Variants in ATCAY observed in about 807,000 individuals in gnomAD.
ATCAY encodes the protein caytaxin.
In ATCAY, 22 loss-of-function variants were observed where a neutral mutation model predicts 47.7. The ratio of observed to expected loss-of-function variants is 0.46; its 90% CI spans 0.33 to 0.66. The LOEUF is 0.66. Ranked by LOEUF, ATCAY falls within the 30% of genes least tolerant of loss-of-function variation. The pLI is 0.02. For synonymous variants in ATCAY, 216 were observed against 207.6 expected (o/e 1.04, Z -0.35); for missense variants, 452 against 515.0 (o/e 0.88, Z 1.18).
At position 3,907,953 on chromosome 19, in the gene ATCAY, C is replaced by G. The variant is rs752902961; in HGVS notation, c.544+34C>G. 1.1e-5 allele frequency: 17 copies of G among 1,595,958 alleles called. No homozygotes were observed. In the African/African-American group the frequency reaches 2.0e-4, roughly 19 times the overall value. On this transcript the variant is annotated intron_variant, in intron 5 of 12. Coordinates refer to ENST00000450849, the MANE Select transcript of ATCAY (RefSeq NM_033064.5). This position sits in a 1 kb window ranked among gnomAD's most constrained non-coding sequence, Gnocchi z 5.1. ...CGCCCCCCGGTGCCCCCTTGGGGCT[C>G]CAGCCCGGCCCACTGGGCAACAGGG...
In ATCAY at chr19:3,915,594, C is replaced by G. The variant is rs1309100492; in HGVS notation, c.965+1738C>G. On this transcript the variant is annotated intron_variant, in intron 9 of 12. Transcript: ENST00000450849. Reference sequence around the variant, plus strand: ...TGAGATGGAGTCTTGCTCTGTTGCCCAGGCTGGAGTGCAGTGGCACGATCT... The same window carrying G: ...TGAGATGGAGTCTTGCTCTGTTGCCGAGGCTGGAGTGCAGTGGCACGATCT... 3.3e-5 allele frequency among the ~76,000 whole-genome samples: 5 copies of G among 151,384 alleles called. No individual in the cohort carries two copies. The South Asian group carries it at 6.3e-4, about 19-fold the overall frequency.
rs746208351 is a variant in ATCAY at position 3,905,495 on chromosome 19, A to G, written c.198A>G (p.Pro66=). The G allele has an allele frequency of 6.2e-7, 1 of 1,613,956 alleles. No individual in the cohort carries two copies. The part of the protein sequence containing the change: ...AHRKRKTLVA[P]EINISLDQSE... ...GTAAGAGGAAGACGCTGGTGGCCCC[A>G]GAGATCAACATTTCTCTGGATCAGA... is the stretch of plus-strand genomic sequence containing the variant. The change falls in exon 4 of 13, where the codon CCA becomes CCG. Residue 66 remains proline, a synonymous_variant. Coordinates refer to ENST00000450849, the MANE Select transcript of ATCAY (RefSeq NM_033064.5).
Position 3,927,378 on chromosome 19 carries a change from T to C in ATCAY, c.*2786T>C, listed in dbSNP as rs2039076555. 1 of 152,184 alleles carries C rather than the reference T, an allele frequency of 6.6e-6. No individual in the cohort carries two copies. The highest frequency in any genetic ancestry group is 1.5e-5 in the Non-Finnish European group (1 of 68,056). 9.4% of individuals were successfully genotyped at this position (152,184 alleles called of 1,614,324 possible). ...GTTCTAACCCAACAGTGACAAGAAC[T>C]GCTGGGCCTTAACCGTCATGGAAGA... On this transcript the variant is annotated 3_prime_UTR_variant, in exon 13 of 13. Coordinates refer to ENST00000450849, the MANE Select transcript of ATCAY (RefSeq NM_033064.5).
chr19:3,886,841 G>C (rs936121189), intron 2 of ATCAY, among the ~76,000 whole-genome samples: 4 of 150,836 alleles, frequency 2.7e-5, no homozygotes, highest in African/African-American at 9.8e-5. Context: ...ATGCCCCCGA[G>C]TAGCTTGGAT....
At chr19:3,902,724 C>G (rs2060247) in intron 3 of ATCAY, among the ~76,000 whole-genome samples, 179 bp downstream of exon 3, 129,267 of 152,066 alleles carry the variant, frequency 0.85, 55,104 homozygotes, top group African/African-American at 0.91. Context: ...TGATGGCGCT[C>G]TCATGAAGCC....
chr19:3,893,236 T>C (rs11085045), intron 2 of ATCAY, among the ~76,000 whole-genome samples: 96,067 of 148,740 alleles, frequency 0.65, 34,147 homozygotes, highest in Non-Finnish European at 0.8. Flanking sequence ...TGCAGTAGCA[T>C]GATCTCAGCT....
chr19:3,913,798 G>T lies in ATCAY; in HGVS notation c.907G>T (p.Glu303Ter). The T allele has an allele frequency of 6.2e-7, 1 of 1,613,848 alleles. No individual in the cohort carries two copies. The highest frequency in any genetic ancestry group is 8.5e-7 in the Non-Finnish European group (1 of 1,179,860). The change falls in exon 9 of 13, where the codon GAA becomes TAA. Residue 303 changes from glutamate to a stop codon, truncating the protein, a stop_gained. Transcript: ENST00000450849. LOFTEE classifies it high-confidence loss of function. Reference protein sequence around the residue: ...INKIQYVHSLEDLEQLIPMEH... With the variant: ...INKIQYVHSL ...CAAGATCCAGTACGTGCACAGCTTG[G>T]AAGACCTGGAGCAACTCATCCCTAT...
chr19:3,892,109 C>G (rs1289699445), intron 2 of ATCAY, among the ~76,000 whole-genome samples: 1 of 151,996 alleles, frequency 6.6e-6, no homozygotes, highest in Non-Finnish European at 1.5e-5. Flanking sequence ...AGGCTGGTCT[C>G]GAACTACTGA....
At chr19:3,918,726 G>A in intron 10 of ATCAY, 80 bp from the exon 11 acceptor site, 2 of 1,469,316 alleles carry the variant, frequency 1.4e-6, no homozygotes, top group Non-Finnish European at 1.9e-6. Flanking sequence ...GAAAACCAGA[G>A]AGGCCAGTAC....
In ATCAY at chr19:3,910,989, G is replaced by A. The variant is rs149809467; in HGVS notation, c.866+100G>A. On this transcript the variant is annotated intron_variant, in intron 8 of 12. Coordinates refer to ENST00000450849, the MANE Select transcript of ATCAY (RefSeq NM_033064.5). ...TGTGTGCATGTGTGCACGTGTGTGC[G>A]TGTGTGCATCTGTGTGTGTGTGCAT... 1,005 of 1,314,300 alleles carry A rather than the reference G, an allele frequency of 7.6e-4. 5 individuals carry two copies. The African/African-American group carries it at 7.8e-3, about 10-fold the overall frequency. The allele number at this position is 1,314,300 out of a possible 1,614,324, so 81.4% of individuals were successfully genotyped here.
intron 1 of ATCAY, among the ~76,000 whole-genome samples, chr19:3,884,663 A>G (rs2038632488): frequency 6.6e-6 from 1 of 152,084 alleles, no homozygotes; most frequent in Non-Finnish European, 1.5e-5. Context: ...GAAGTTTCCA[A>G]GGGAGCAGGA....
intron 2 of ATCAY, among the ~76,000 whole-genome samples, chr19:3,895,854 T>C (rs190747022): frequency 1.3e-5 from 2 of 151,840 alleles, no homozygotes; most frequent in Non-Finnish European, 2.9e-5. Flanking sequence ...TAGCTGGGAT[T>C]ACAAGTGCAT....
intron 2 of ATCAY, among the ~76,000 whole-genome samples, chr19:3,891,164 G>T (rs556175968): frequency 6.6e-6 from 1 of 151,276 alleles, no homozygotes; most frequent in East Asian, 1.9e-4. Context: ...CAATTCTCTT[G>T]CCTCAGCCTC....
intron 6 of ATCAY, among the ~76,000 whole-genome samples, chr19:3,909,260 A>G (rs528233538): frequency 1.1e-3 from 171 of 149,736 alleles, no homozygotes; most frequent in African/African-American, 3.7e-3. Flanking sequence ...GACTCAATAA[A>G]AGAGTAACTG....
chr19:3,916,549 A>C (rs1398218527), intron 9 of ATCAY, among the ~76,000 whole-genome samples: 2 of 152,174 alleles, frequency 1.3e-5, no homozygotes, highest in Non-Finnish European at 2.9e-5. Flanking sequence ...GCTGGAGTGC[A>C]GTGGCGCTAT....
chr19:3,903,898 G>T (rs1599286407), intron 3 of ATCAY, among the ~76,000 whole-genome samples: 1 of 151,304 alleles, frequency 6.6e-6, no homozygotes, highest in Non-Finnish European at 1.5e-5. Flanking sequence ...CAGCACTTTG[G>T]GAGGCCGAGG....
In ATCAY at chr19:3,881,876, CG is replaced by C. The variant is rs1260496455; in HGVS notation, c.-42+869del. On this transcript the variant is annotated intron_variant, in intron 1 of 12. Transcript: ENST00000450849. ...CTGGCTGCTGCCACCGCCCCCCCCCCGACCCCATAGCATCCAGGAGGGATTT... is the reference window on the plus strand; with the variant it reads ...CTGGCTGCTGCCACCGCCCCCCCCCCACCCCATAGCATCCAGGAGGGATTT... 7.8e-4 allele frequency among the ~76,000 whole-genome samples: 109 copies of C among 139,798 alleles called. No homozygotes were observed. The East Asian group carries it at 0.014, about 19-fold the overall frequency. The allele number at this position is 139,798 out of a possible 152,430, so 91.7% of individuals were successfully genotyped here.
chr19:3,913,685 C>G, intron 8 of ATCAY, 73 bp from the exon 9 acceptor site: 1 of 1,170,538 alleles, frequency 8.5e-7, no homozygotes, highest in Non-Finnish European at 1.3e-6. Flanking sequence ...GTCGCCATGG[C>G]TCTGTCTGGA....
chr19:3,924,219 G>A (rs961880274), intron 12 of ATCAY, among the ~76,000 whole-genome samples: 1 of 148,560 alleles, frequency 6.7e-6, no homozygotes, highest in Admixed American at 6.8e-5. Flanking sequence ...GTGAATGGAT[G>A]GGTGAGTGAG....
Sources: gnomAD v4.1 joint callset for allele counts (sites outside exome capture counted in the v4.1 genomes callset) on GRCh38, gnomAD v4.1.1 for gene constraint, Gnocchi (gnomAD v3.1) non-coding constraint, MANE v1.5 for transcripts, NCBI Gene and HGNC (gene_info 2026-07-23, HGNC 2026-07-21) for gene names.